The following LBP variants were observed in gnomAD, a reference collection of about 807,000 sequenced individuals.
The protein encoded by LBP is lipopolysaccharide-binding protein.
LBP carries 53 observed loss-of-function variants against 56.6 expected under a neutral mutation model. That is an observed-to-expected ratio of 0.94 (90% CI 0.75 to 1.18). The LOEUF (loss-of-function observed/expected upper bound fraction) is 1.18, where lower values mean the gene tolerates loss of function less well. Ranked by LOEUF, LBP falls within the 50% of genes most tolerant of loss-of-function variation. LBP has a pLI of 0.00. For missense variants in LBP, 601 were observed against 598.3 expected (o/e 1.00, Z -0.05); for synonymous variants, 227 against 247.5 (o/e 0.92, Z 0.78).
chr20:38,354,993 G>C (rs1228430339), intron 4 of LBP, among the ~76,000 whole-genome samples: 1 of 152,154 alleles, frequency 6.6e-6, no homozygotes, highest in Non-Finnish European at 1.5e-5. Flanking sequence ...GAGTTGGGAG[G>C]ATGGCTTCAG....
At position 38,350,888 on chromosome 20, in the gene LBP, C is replaced by A. The variant is rs748618159; in HGVS notation, c.317C>A (p.Ser106Tyr). Reference sequence around the variant, plus strand: ...GGCCAGGGCCTGAGTCTCAGCATCTCCGACTCCTCCATCCGGGTCCAGGGC... The same window carrying A: ...GGCCAGGGCCTGAGTCTCAGCATCTACGACTCCTCCATCCGGGTCCAGGGC... ...VPGQGLSLSI[S>Y]DSSIRVQGRW... The change falls in exon 3 of 15, where the codon TCC becomes TAC. Residue 106 changes from serine to tyrosine, a missense_variant. Coordinates refer to ENST00000217407, the MANE Select transcript of LBP (RefSeq NM_004139.5). The A allele has an allele frequency of 4.3e-6, 7 of 1,613,984 alleles. No homozygotes were observed. Among genetic ancestry groups the A allele is most frequent in the Non-Finnish European group, 5.9e-6 (7 of 1,179,966 alleles).
chr20:38,376,728 G>A lies in LBP; in HGVS notation c.*59G>A. 6.8e-7 allele frequency: 1 copy of A among 1,465,756 alleles called. No homozygotes were observed. The highest frequency in any genetic ancestry group is 1.1e-5 in the South Asian group (1 of 88,038). The allele number at this position is 1,465,756 out of a possible 1,614,324, so 90.8% of individuals were successfully genotyped here. A position where few individuals can be genotyped will look rare whatever the true frequency, so the allele number is the denominator to read the frequency against. ...GGATCTGCTTGTTGCATTTCCAGCT[G>A]TGCAGCACGTCTCAGAGATTCTTGA... On this transcript the variant is annotated 3_prime_UTR_variant, in exon 15 of 15. Coordinates refer to ENST00000217407, the MANE Select transcript of LBP (RefSeq NM_004139.5).
chr20:38,374,004 G>C lies in LBP; in HGVS notation c.1392G>C (p.Gln464His), dbSNP rs1354951243. The change falls in exon 14 of 15, where the codon CAG becomes CAC. Residue 464 changes from glutamine to histidine, a missense_variant. Coordinates refer to ENST00000217407, the MANE Select transcript of LBP (RefSeq NM_004139.5). ...KRVQLYDLGL[Q>H]IHKDFLFLGA... ...TTCAGCTCTACGACCTTGGGCTGCA[G>C]ATCCATAAGGTCGGTGGGTTCAGGG... 1 of 1,614,114 alleles carries C rather than the reference G, an allele frequency of 6.2e-7. No individual in the cohort carries two copies.
chr20:38,352,678 C>T (rs1266772638), intron 3 of LBP, among the ~76,000 whole-genome samples: 1 of 152,158 alleles, frequency 6.6e-6, no homozygotes, highest in Non-Finnish European at 1.5e-5. Context: ...CCGCTGTAGC[C>T]TGGGAGGCGG....
In LBP at chr20:38,366,814, C is replaced by A. The variant is rs777102397; in HGVS notation, c.967C>A (p.Pro323Thr). ...NIRLTTKSFR[P>T]FVPRLARLYP... Reference sequence around the variant, plus strand: ...CCGACTGACCACCAAGTCCTTCCGACCCTTCGTCCCACGGGTAAGGAGTCC... The same window carrying A: ...CCGACTGACCACCAAGTCCTTCCGAACCTTCGTCCCACGGGTAAGGAGTCC... Residue 323 changes from proline (P) to threonine (T), a missense_variant, in exon 9 of 15, where the codon CCC (proline) becomes ACC (threonine). Transcript: ENST00000217407. 8 of 1,614,166 alleles carry A rather than the reference C, an allele frequency of 5.0e-6. No individual in the cohort carries two copies. The South Asian group carries it at 7.7e-5, about 16-fold the overall frequency.
chr20:38,361,551 C>T (rs1311159107), intron 6 of LBP, among the ~76,000 whole-genome samples: 1 of 151,800 alleles, frequency 6.6e-6, no homozygotes, highest in Non-Finnish European at 1.5e-5. Flanking sequence ...ACTACAGGTG[C>T]ATGCCACCAC....
chr20:38,372,820 A>G (rs1447722480), intron 12 of LBP, among the ~76,000 whole-genome samples: 1 of 152,212 alleles, frequency 6.6e-6, no homozygotes, highest in African/African-American at 2.4e-5. Flanking sequence ...AACCGATACT[A>G]AAGATAAGGC....
intron 6 of LBP, 36 bp from the exon 7 acceptor site, chr20:38,363,939 A>G: frequency 2.0e-6 from 3 of 1,471,918 alleles, no homozygotes; most frequent in Non-Finnish European, 1.9e-6. Context: ...TGAAAGTGTC[A>G]TCTGGCCCCT....
At position 38,346,622 on chromosome 20, in the gene LBP, G is replaced by A. The variant is rs145454267; in HGVS notation, c.106G>A (p.Asp36Asn). 52 of 1,613,368 alleles carry A rather than the reference G, an allele frequency of 3.2e-5. No homozygotes were observed. The highest frequency in any genetic ancestry group is 6.7e-5 in the African/African-American group (5 of 74,932). Residue 36 changes from aspartate to asparagine, a missense_variant, in exon 1 of 15, where the codon GAC becomes AAC. By Grantham distance (23) the Asp-to-Asn change is conservative. Coordinates refer to ENST00000217407, the MANE Select transcript of LBP (RefSeq NM_004139.5). ...ANPGLVARIT[D>N]KGLQYAAQEG... ...CCCCGGCTTGGTCGCCAGGATCACCGACAAGGGACTGCAGTATGGTAAGAA... is the reference window on the plus strand; with the variant it reads ...CCCCGGCTTGGTCGCCAGGATCACCAACAAGGGACTGCAGTATGGTAAGAA...
chr20:38,358,427 TGG>T (rs1379387446), intron 5 of LBP, among the ~76,000 whole-genome samples: 1 of 152,128 alleles, frequency 6.6e-6, no homozygotes, highest in African/African-American at 2.4e-5. Flanking sequence ...CCCTAAAGAC[TGG>T]GGCATCCAGG....
intron 5 of LBP, among the ~76,000 whole-genome samples, chr20:38,358,394 C>A (rs573965399): frequency 6.6e-6 from 1 of 152,268 alleles, no homozygotes; most frequent in Admixed American, 6.5e-5. Context: ...CATCCCATGC[C>A]TCCCCTGCCC....
intron 5 of LBP, among the ~76,000 whole-genome samples, chr20:38,356,894 C>T (rs1189499082): frequency 2.6e-5 from 4 of 151,944 alleles, no homozygotes; most frequent in South Asian, 2.1e-4. Flanking sequence ...CTCACTCTGT[C>T]GCCCAGGCTG....
intron 3 of LBP, 70 bp from the exon 4 acceptor site, chr20:38,354,214 C>T (rs890146558): frequency 7.2e-7 from 1 of 1,389,874 alleles, no homozygotes; most frequent in Non-Finnish European, 9.9e-7. Flanking sequence ...ACTGAGCCTT[C>T]TATTTTCCCC....
chr20:38,360,982 G>A (rs1249401950), intron 6 of LBP, among the ~76,000 whole-genome samples: 1 of 152,190 alleles, frequency 6.6e-6, no homozygotes, highest in East Asian at 1.9e-4. Context: ...GGCCAACATG[G>A]TGAAACCCTG....
chr20:38,366,863 C>T (rs755268361), intron 9 of LBP, 35 bp downstream of exon 9: 3 of 1,576,538 alleles, frequency 1.9e-6, no homozygotes, highest in Admixed American at 1.7e-5. Context: ...GAGTGCAGAC[C>T]GAGCCTACTA....
In LBP at chr20:38,365,710, A is replaced by AT. The variant is rs2076878714; in HGVS notation, c.921+958_921+959insT. 1.4e-4 allele frequency among the ~76,000 whole-genome samples: 6 copies of AT among 42,776 alleles called. No individual in the cohort carries two copies. In the East Asian group the frequency reaches 1.6e-3, roughly 11 times the overall value. The allele number at this position is 42,776 out of a possible 152,430, so 28.1% of individuals were successfully genotyped here. On this transcript the variant is annotated intron_variant, in intron 8 of 14. Transcript: ENST00000217407. ...AGACTGCATCTCAAAAAAAAAAAAA[A>AT]AAAAAAAATATATATATATATATAT...
chr20:38,366,883 G>C, intron 9 of LBP, 55 bp downstream of exon 9: 5 of 1,509,688 alleles, frequency 3.3e-6, no homozygotes, highest in Non-Finnish European at 4.6e-6. Flanking sequence ...AGACTCCAGA[G>C]GTTTCTCTTT....
chr20:38,376,446 T>A (rs1402551159), intron 14 of LBP, among the ~76,000 whole-genome samples, 179 bp from the exon 15 acceptor site: 2 of 152,188 alleles, frequency 1.3e-5, no homozygotes, highest in Non-Finnish European at 2.9e-5. Context: ...AGAAGGTAGC[T>A]GGGAAGAGCT....
At chr20:38,354,509 T>C (rs987230833) in intron 4 of LBP, 70 bp downstream of exon 4, 2 of 1,415,900 alleles carry the variant, frequency 1.4e-6, no homozygotes, top group Non-Finnish European at 1.9e-6. Flanking sequence ...GCGCTCAGCC[T>C]GGCCTCCGAT....
Sources: allele counts gnomAD v4.1 joint callset (sites outside exome capture counted in the v4.1 genomes callset), GRCh38; gene constraint gnomAD v4.1.1; transcripts MANE v1.5; gene names NCBI Gene and HGNC (gene_info 2026-07-23, HGNC 2026-07-21).